AGPS: variants seen among roughly 807,000 people sequenced by gnomAD.
The protein encoded by AGPS is alkylglycerone phosphate synthase.
AGPS carries 26 observed loss-of-function variants against 90.7 expected under a neutral mutation model. The observed-to-expected ratio is 0.29, with a 90% CI of 0.21 to 0.40. The LOEUF is 0.40. Among genes scored for constraint, AGPS ranks in the 10% least tolerant of loss-of-function variants. The pLI is 1.00. For synonymous variants in AGPS, 294 were observed against 285.3 expected (o/e 1.03, Z -0.31); for missense variants, 540 against 816.1 (o/e 0.66, Z 4.12).
intron 8 of AGPS, among the ~76,000 whole-genome samples, chr2:177,450,963 C>CATATATATATATATATATAT (rs1400248543): frequency 1.6e-3 from 10 of 6,348 alleles, no homozygotes; most frequent in African/African-American, 3.0e-3. Flanking sequence ...ACATGTCTTT[C>CATATATATATATATATATAT]ATATATATAT....
chr2:177,516,461 G>T (rs1332471567), intron 17 of AGPS, among the ~76,000 whole-genome samples: 2 of 152,152 alleles, frequency 1.3e-5, no homozygotes, highest in African/African-American at 2.4e-5. Context: ...TTTGAAAGAG[G>T]TTAGTGTTTA....
At chr2:177,463,454 A>G (rs1005831193) in intron 9 of AGPS, among the ~76,000 whole-genome samples, 2 of 152,228 alleles carry the variant, frequency 1.3e-5, no homozygotes, top group Non-Finnish European at 2.9e-5. Context: ...TGAGACTATT[A>G]AAGTGATGTT....
chr2:177,442,345 A>G (rs1026616986), intron 6 of AGPS, 62 bp from the exon 7 acceptor site: 6 of 1,286,948 alleles, frequency 4.7e-6, no homozygotes, highest in Non-Finnish European at 6.8e-6. Context: ...GGGATTTGCC[A>G]TAGAAATATA....
At chr2:177,457,714 A>G (rs1687161637) in intron 8 of AGPS, among the ~76,000 whole-genome samples, 2 of 152,112 alleles carry the variant, frequency 1.3e-5, no homozygotes, top group Non-Finnish European at 2.9e-5. Context: ...CAAAAAAAGT[A>G]CAGGACTAGA....
intron 17 of AGPS, among the ~76,000 whole-genome samples, chr2:177,519,864 A>T (rs1689128566): frequency 6.6e-6 from 1 of 152,230 alleles, no homozygotes; most frequent in Non-Finnish European, 1.5e-5. Flanking sequence ...AAGGAATAAA[A>T]GAATGACTAC....
intron 12 of AGPS, among the ~76,000 whole-genome samples, chr2:177,497,024 A>G (rs1454851703): frequency 6.6e-6 from 1 of 152,114 alleles, no homozygotes; most frequent in African/African-American, 2.4e-5. Flanking sequence ...TGTAGCAATC[A>G]TAGGAGTTGA....
In AGPS at chr2:177,539,862, A is replaced by G. The variant is rs886472978; in HGVS notation, c.*1667A>G. 3 of 151,690 alleles carry G rather than the reference A, an allele frequency of 2.0e-5. No homozygotes were observed. Among genetic ancestry groups the G allele is most frequent in the Non-Finnish European group, 4.4e-5 (3 of 67,808 alleles). 9.4% of individuals were successfully genotyped at this position (151,690 alleles called of 1,614,324 possible). On this transcript the variant is annotated 3_prime_UTR_variant, in exon 20 of 20. Coordinates refer to ENST00000264167, the MANE Select transcript of AGPS (RefSeq NM_003659.4). ...TTTATTTTTAATTATAAAATTTCCAACAGATCTTTGCTTTAAGCCCTTGAT... is the reference window on the plus strand; with the variant it reads ...TTTATTTTTAATTATAAAATTTCCAGCAGATCTTTGCTTTAAGCCCTTGAT...
Position 177,465,710 on chromosome 2 carries a change from G to C in AGPS, c.997-2706G>C, listed in dbSNP as rs576461822. ...CATTGGTGGCACCAGGGAATGTGGTGGTGCCTGGAAGCTTGGAGACGCCAG... is the reference window on the plus strand; with the variant it reads ...CATTGGTGGCACCAGGGAATGTGGTCGTGCCTGGAAGCTTGGAGACGCCAG... On this transcript the variant is annotated intron_variant, in intron 9 of 19. Coordinates refer to ENST00000264167, the MANE Select transcript of AGPS (RefSeq NM_003659.4). Among the ~76,000 whole-genome samples, 8 of 152,352 alleles carry C rather than the reference G, an allele frequency of 5.3e-5. No homozygotes were observed. The East Asian group carries it at 1.5e-3, about 29-fold the overall frequency.
Position 177,392,794 on chromosome 2 carries a change from C to A in AGPS, c.5C>A (p.Ala2Glu), listed in dbSNP as rs946047503. The stretch of plus-strand genomic sequence containing the variant: ...CGGCAGCACAAGGCGGTAGCCATGG[C>A]GGAGGCGGCGGCTGCAGCGGGTGGG... Reference protein sequence around the residue: MAEAAAAAGGTG... With the variant: MEEAAAAAGGTG... The change falls in exon 1 of 20, where the codon GCG becomes GAG. Residue 2 changes from alanine to glutamate, a missense_variant. This residue lies in a region of AGPS where 135 missense variants were observed against 124.0 expected (regional missense o/e 1.09). Coordinates refer to ENST00000264167, the MANE Select transcript of AGPS (RefSeq NM_003659.4). 4 of 1,496,258 alleles carry A rather than the reference C, an allele frequency of 2.7e-6. No individual in the cohort carries two copies. In the Admixed American group the frequency reaches 6.9e-5, roughly 26 times the overall value. The allele number at this position is 1,496,258 out of a possible 1,614,324, so 92.7% of individuals were successfully genotyped here.
intron 19 of AGPS, among the ~76,000 whole-genome samples, chr2:177,534,706 T>G (rs779417593): frequency 6.6e-6 from 1 of 151,590 alleles, no homozygotes; most frequent in Non-Finnish European, 1.5e-5. Context: ...TTCCGCCCAA[T>G]CTCCTGAGTA....
At chr2:177,437,945 G>C (rs1451785133) in intron 5 of AGPS, among the ~76,000 whole-genome samples, 1 of 152,148 alleles carries the variant, frequency 6.6e-6, no homozygotes, top group African/African-American at 2.4e-5. Flanking sequence ...TTGTATATTA[G>C]TCTATGCATT....
intron 12 of AGPS, among the ~76,000 whole-genome samples, chr2:177,496,310 C>T (rs1286191001): frequency 6.6e-6 from 1 of 152,082 alleles, no homozygotes; most frequent in Non-Finnish European, 1.5e-5. Context: ...ACACAACATG[C>T]ACATTCAATA....
rs2079235337 is a variant in AGPS at position 177,541,557 on chromosome 2, ACACT to A, written c.*3365_*3368del. 1 of 152,172 alleles carries A rather than the reference ACACT, an allele frequency of 6.6e-6. No individual in the cohort carries two copies. Among genetic ancestry groups the A allele is most frequent in the South Asian group, 2.1e-4 (1 of 4,832 alleles). The allele number at this position is 152,172 out of a possible 1,614,324, so 9.4% of individuals were successfully genotyped here. ...GGAAAGCATATCTATATCTTAAAAA[ACACT>A]CAGACAGGAGTTAAGGACAGCTTTA... is the stretch of plus-strand genomic sequence containing the variant. On this transcript the variant is annotated 3_prime_UTR_variant, in exon 20 of 20. Coordinates refer to ENST00000264167, the MANE Select transcript of AGPS (RefSeq NM_003659.4).
intron 10 of AGPS, among the ~76,000 whole-genome samples, chr2:177,477,204 CT>C (rs1288029497): frequency 6.6e-6 from 1 of 151,862 alleles, no homozygotes; most frequent in Non-Finnish European, 1.5e-5. Context: ...GGTCTCATGT[CT>C]TTTTGTTTCT....
rs1348073414 is a variant in AGPS, at chr2:177,423,118, C to G, written c.350+2760C>G. On this transcript the variant is annotated intron_variant, in intron 2 of 19. Transcript: ENST00000264167. The stretch of plus-strand genomic sequence containing the variant: ...ATTTCTGTAGATAACTAAACTCATC[C>G]ACTGTACTGATCTTGTTCTGTCTTC... 2.7e-5 allele frequency among the ~76,000 whole-genome samples: 2 copies of G among 73,416 alleles called. 1 individual carries two copies. The highest frequency in any genetic ancestry group is 7.7e-5 in the African/African-American group (2 of 25,978). The allele number at this position is 73,416 out of a possible 152,430, so 48.2% of individuals were successfully genotyped here. A position where few individuals can be genotyped will look rare whatever the true frequency, so the allele number is the denominator to read the frequency against.
intron 11 of AGPS, among the ~76,000 whole-genome samples, chr2:177,489,954 T>G (rs1688201358): frequency 6.6e-6 from 1 of 152,194 alleles, no homozygotes; most frequent in Admixed American, 6.5e-5. Flanking sequence ...TGTGGAATAC[T>G]CTCAGCCCTG....
At chr2:177,406,977 G>C (rs1486101437) in intron 1 of AGPS, among the ~76,000 whole-genome samples, 1 of 152,182 alleles carries the variant, frequency 6.6e-6, no homozygotes, top group Non-Finnish European at 1.5e-5. Flanking sequence ...CTGAGCTCTT[G>C]TAATAATTTG....
chr2:177,492,270 G>T (rs1688285543), intron 11 of AGPS, among the ~76,000 whole-genome samples: 1 of 152,056 alleles, frequency 6.6e-6, no homozygotes, highest in Non-Finnish European at 1.5e-5. Flanking sequence ...TTTTACTTAT[G>T]TGCTTAAGCT....
rs769441969 is a variant in AGPS at position 177,499,766 on chromosome 2, T to A, written c.1475+36T>A. ...AAGTTCATAATGCCAAGAGAAAGAG[T>A]TAAAAGCTAAGATTCTAATATCACC... is the stretch of plus-strand genomic sequence containing the variant. On this transcript the variant is annotated intron_variant, in intron 14 of 19. Coordinates refer to ENST00000264167, the MANE Select transcript of AGPS (RefSeq NM_003659.4). 4 of 1,365,044 alleles carry A rather than the reference T, an allele frequency of 2.9e-6. No homozygotes were observed. In the African/African-American group the frequency reaches 5.7e-5, roughly 20 times the overall value. 84.6% of individuals were successfully genotyped at this position (1,365,044 alleles called of 1,614,324 possible). A position where few individuals can be genotyped will look rare whatever the true frequency, so the allele number is the denominator to read the frequency against.
Sources: gnomAD v4.1 joint callset for allele counts (sites outside exome capture counted in the v4.1 genomes callset) on GRCh38, gnomAD v4.1.1 for gene constraint, gnomAD v4.1.1 regional missense constraint, MANE v1.5 for transcripts, NCBI Gene and HGNC (gene_info 2026-07-23, HGNC 2026-07-21) for gene names.